HOOK2: variants seen among roughly 807,000 people sequenced by gnomAD.
HOOK2 encodes the protein hook microtubule tethering protein 2, also known as protein Hook homolog 2.
A neutral mutation model predicts 111.9 loss-of-function variants in HOOK2; 108 were observed. The ratio of observed to expected loss-of-function variants is 0.96; its 90% CI spans 0.83 to 1.13. The LOEUF is 1.13. HOOK2 is among the 50% of genes most tolerant of loss of function. HOOK2 has a pLI of 0.00. For synonymous variants in HOOK2, 405 were observed against 394.3 expected, an observed-to-expected ratio of 1.03 and a Z score of -0.32; for missense variants, 978 against 951.3, an observed-to-expected ratio of 1.03 and a Z score of -0.37.
At chr19:12,781,458 C>T (rs577771336), upstream of HOOK2, among the ~76,000 whole-genome samples, 1 of 148,942 alleles carries the variant, frequency 6.7e-6, no homozygotes, top group African/African-American at 2.5e-5. Flanking sequence ...TCCCCAGTAG[C>T]TGGGACCACA....
chr19:12,773,687 G>A (rs936269805), intron 3 of HOOK2, among the ~76,000 whole-genome samples: 1 of 152,082 alleles, frequency 6.6e-6, no homozygotes, highest in Non-Finnish European at 1.5e-5. Flanking sequence ...CACTTTTGCT[G>A]CCTACATTTT....
At chr19:12,775,825 C>A (rs1968490686), upstream of HOOK2, among the ~76,000 whole-genome samples, 1 of 151,722 alleles carries the variant, frequency 6.6e-6, no homozygotes, top group African/African-American at 2.4e-5. Flanking sequence ...GTGCTCCACC[C>A]TGTTACACAA....
chr19:12,767,835 C>A lies in HOOK2; in HGVS notation c.1284G>T (p.Pro428=). ...TCTCACCGGCCTGGGTCAACCCCCG[C>A]GGCTGCAGCTGGGCGCAGCGCAGCT... ...NEELRCAQLQ[P]RGLTQADPSL... Residue 428 remains proline, a synonymous_variant, in exon 13 of 23, where the codon CCG becomes CCT. Coordinates refer to ENST00000397668, the MANE Select transcript of HOOK2 (RefSeq NM_013312.3). 1 of 1,603,862 alleles carries A rather than the reference C, an allele frequency of 6.2e-7. No homozygotes were observed. The highest frequency in any genetic ancestry group is 1.1e-5 in the South Asian group (1 of 90,978).
intron 8 of HOOK2, 33 bp from the exon 9 acceptor site, chr19:12,771,352 T>C: frequency 6.2e-7 from 1 of 1,608,020 alleles, no homozygotes; most frequent in South Asian, 1.1e-5. Flanking sequence ...AGCTTGGGCT[T>C]GGAGAGGGGC....
intron 14 of HOOK2, 193 bp from the exon 15 acceptor site, chr19:12,766,433 C>T: frequency 1.6e-6 from 1 of 639,714 alleles, no homozygotes; most frequent in Non-Finnish European, 2.5e-6. Context: ...GAGCTCTAAG[C>T]TGGGATAGTG....
chr19:12,791,481 C>T lies in HOOK2; in HGVS notation n.42-17256G>A. On this transcript the variant is annotated intron_variant and non_coding_transcript_variant, in intron 3 of 3. Transcript: ENST00000589765. This position sits in a 1 kb window ranked among gnomAD's most constrained non-coding sequence, Gnocchi z 7.0. ...ATAAAGGCGTGTGGCTCAGGCTGAG[C>T]GGCTGGGACCTTGAGAGCGGCCAGG... 4 of 356,900 alleles carry T rather than the reference C, an allele frequency of 1.1e-5. No homozygotes were observed. The highest frequency in any genetic ancestry group is 2.0e-5 in the Non-Finnish European group (4 of 196,874). The allele number at this position is 356,900 out of a possible 1,614,324, so 22.1% of individuals were successfully genotyped here. A position where few individuals can be genotyped will look rare whatever the true frequency, so the allele number is the denominator to read the frequency against.
At position 12,775,523 on chromosome 19, in the gene HOOK2, C is replaced by A; in HGVS notation, c.-74G>T. The A allele has an allele frequency of 1.3e-6, 2 of 1,518,364 alleles. No homozygotes were observed. Among genetic ancestry groups the A allele is most frequent in the Non-Finnish European group, 8.9e-7 (1 of 1,128,960 alleles). 94.1% of individuals were successfully genotyped at this position (1,518,364 alleles called of 1,614,324 possible). ...AGCCTCCGGGTCCGCCACCAGCGAGCGCCCGCAGCCCCGACCTCCCGCTCG... is the reference window on the plus strand; with the variant it reads ...AGCCTCCGGGTCCGCCACCAGCGAGAGCCCGCAGCCCCGACCTCCCGCTCG... On this transcript the variant is annotated 5_prime_UTR_variant, in exon 1 of 23. Transcript: ENST00000397668.
intron 11 of HOOK2, among the ~76,000 whole-genome samples, chr19:12,768,381 C>T (rs73503404): frequency 0.05 from 7,647 of 152,076 alleles, 688 homozygotes; most frequent in African/African-American, 0.18. Context: ...AGGTGTGAGC[C>T]GTTGCACCCA....
intron 10 of HOOK2, among the ~76,000 whole-genome samples, chr19:12,770,578 C>A (rs180823506): frequency 6.6e-6 from 1 of 151,598 alleles, no homozygotes; most frequent in East Asian, 1.9e-4. Flanking sequence ...CTAGAAGGTA[C>A]CATGGGATCC....
chr19:12,777,525 A>C (rs888595645), upstream of HOOK2, among the ~76,000 whole-genome samples: 2 of 152,222 alleles, frequency 1.3e-5, no homozygotes, highest in African/African-American at 4.8e-5. Flanking sequence ...TATTGACTCC[A>C]GCAGTAGATA....
upstream of HOOK2, among the ~76,000 whole-genome samples, chr19:12,777,252 C>T (rs956846764): frequency 6.6e-6 from 1 of 152,038 alleles, no homozygotes; most frequent in African/African-American, 2.4e-5. Context: ...GGAGGGAGGA[C>T]TGCTTGAACC....
chr19:12,772,875 T>C lies in HOOK2; in HGVS notation c.293A>G (p.Asp98Gly). 6.2e-7 allele frequency: 1 copy of C among 1,614,194 alleles called. No homozygotes were observed. The highest frequency in any genetic ancestry group is 8.5e-7 in the Non-Finnish European group (1 of 1,180,032). Residue 98 changes from aspartate (D) to glycine (G), a missense_variant, in exon 5 of 23, where the codon GAT (aspartate) becomes GGT (glycine). Physicochemically the swap from Asp to Gly is moderately conservative, Grantham distance 94. Transcript: ENST00000397668. ...TGAGAACTCTCCAATGAGGCTCACA[T>C]CTGGGAGATGCTCTTCTGACACAGG... Reference protein sequence around the residue: ...AHPVSEEHLPDVSLIGEFSDP... With the variant: ...AHPVSEEHLPGVSLIGEFSDP...
chr19:12,782,885 A>C (rs1055989057), upstream of HOOK2, among the ~76,000 whole-genome samples: 180 of 145,434 alleles, frequency 1.2e-3, no homozygotes, highest in Middle Eastern at 3.7e-3. Flanking sequence ...TGGAGCTGAG[A>C]CCCCCCCCCC....
chr19:12,775,365 G>A (rs1298769213), intron 1 of HOOK2, 40 bp downstream of exon 1: 2 of 1,601,708 alleles, frequency 1.2e-6, no homozygotes, highest in Non-Finnish European at 1.7e-6. Context: ...GGCAAGAGGA[G>A]CGGGCGCTCA....
chr19:12,783,320 C>T (rs1968625978), upstream of HOOK2, among the ~76,000 whole-genome samples: 1 of 149,124 alleles, frequency 6.7e-6, no homozygotes, highest in Admixed American at 6.7e-5. Flanking sequence ...CCCCCAACTC[C>T]GCCTCTGAAT....
upstream of HOOK2, chr19:12,778,520 C>T (rs1332465311): frequency 6.6e-6 from 1 of 152,130 alleles, no homozygotes; most frequent in Non-Finnish European, 1.5e-5. Flanking sequence ...CCGTTGGCTC[C>T]CCGACCTCGC....
upstream of HOOK2, among the ~76,000 whole-genome samples, chr19:12,780,891 T>G (rs1968594771): frequency 7.0e-6 from 1 of 143,582 alleles, no homozygotes; most frequent in African/African-American, 2.6e-5. Flanking sequence ...GGCAGGAGAA[T>G]GGCGTGAACC....
upstream of HOOK2, chr19:12,775,565 C>T (rs1334820942): frequency 1.2e-5 from 13 of 1,044,708 alleles, no homozygotes; most frequent in African/African-American, 6.9e-5. Context: ...AGCGCCGCCC[C>T]GCCCCGCCCC....
upstream of HOOK2, among the ~76,000 whole-genome samples, chr19:12,777,353 G>A (rs1186150745): frequency 6.6e-6 from 1 of 151,868 alleles, no homozygotes; most frequent in Non-Finnish European, 1.5e-5. Context: ...GTGGTGGCAC[G>A]CGCCTATTCC....
Sources: allele counts gnomAD v4.1 joint callset (sites outside exome capture counted in the v4.1 genomes callset), GRCh38; gene constraint gnomAD v4.1.1; non-coding constraint Gnocchi (gnomAD v3.1); transcripts MANE v1.5; gene names NCBI Gene and HGNC (gene_info 2026-07-23, HGNC 2026-07-21).